Variants in PI4KB observed in about 807,000 individuals in gnomAD.
PI4KB encodes phosphatidylinositol 4-kinase beta, also known as PtdIns 4-kinase beta.
A neutral mutation model predicts 81.4 loss-of-function variants in PI4KB; 23 were observed. That is an observed-to-expected ratio of 0.28 (90% CI 0.20 to 0.40). PI4KB has a LOEUF of 0.40. Among genes scored for constraint, PI4KB ranks in the 10% least tolerant of loss-of-function variants. PI4KB has a pLI of 1.00. For missense variants in PI4KB, 651 were observed against 1,036.6 expected, an observed-to-expected ratio of 0.63 and a Z score of 5.11; for synonymous variants, 381 against 406.8, an observed-to-expected ratio of 0.94 and a Z score of 0.76.
At chr1:151,327,624 A>G, upstream of PI4KB, 1 of 376,720 alleles carries the variant, frequency 2.7e-6, no homozygotes, top group Non-Finnish European at 4.7e-6. Context: ...CTGCTTCCCC[A>G]GCGGTCAGGA....
intron 1 of PI4KB, among the ~76,000 whole-genome samples, chr1:151,325,254 A>G (rs562905831): frequency 2.6e-5 from 4 of 151,988 alleles, no homozygotes; most frequent in Non-Finnish European, 4.4e-5. Flanking sequence ...CGGCCTCCCA[A>G]AATGCTGGGA....
At chr1:151,321,917 G>A (rs1457662487) in intron 1 of PI4KB, among the ~76,000 whole-genome samples, 3 of 138,392 alleles carry the variant, frequency 2.2e-5, no homozygotes, top group African/African-American at 8.0e-5. Context: ...CTGTTCTAAA[G>A]AAAATGAAAG....
At chr1:151,321,602 G>C (rs1471123792) in intron 1 of PI4KB, among the ~76,000 whole-genome samples, 1 of 151,910 alleles carries the variant, frequency 6.6e-6, no homozygotes, top group Admixed American at 6.6e-5. Flanking sequence ...GGCAGGGCAT[G>C]GTGGCTCACG....
chr1:151,310,290 G>C (rs1392334475), intron 2 of PI4KB, 35 bp from the exon 3 acceptor site: 4 of 1,295,476 alleles, frequency 3.1e-6, no homozygotes, highest in East Asian at 2.4e-5. Flanking sequence ...GGAGAAGGAG[G>C]GGGTGGGAAG....
chr1:151,313,082 G>GGAAA (rs1647361430), intron 2 of PI4KB, among the ~76,000 whole-genome samples: 1 of 151,714 alleles, frequency 6.6e-6, no homozygotes, highest in Non-Finnish European at 1.5e-5. Context: ...AAGGAAGGAA[G>GGAAA]GACGGATGGA....
intron 2 of PI4KB, among the ~76,000 whole-genome samples, chr1:151,311,273 C>T (rs940545143): frequency 6.7e-6 from 1 of 149,644 alleles, no homozygotes; most frequent in Non-Finnish European, 1.5e-5. Context: ...ACGTTGAGGT[C>T]GGGGTGGGGG....
Position 151,294,560 on chromosome 1 carries a change from G to A in PI4KB, c.2016-19C>T, listed in dbSNP as rs1284086043. Reference sequence around the variant, plus strand: ...ATTGTGTCTGAGGAGGGGGAATAGAGGAGAGGAAGAGGCAGTAGTCAGTCT... The same window carrying A: ...ATTGTGTCTGAGGAGGGGGAATAGAAGAGAGGAAGAGGCAGTAGTCAGTCT... On this transcript the variant is annotated intron_variant, in intron 9 of 11. Transcript: ENST00000368873. The A allele has an allele frequency of 5.0e-6, 8 of 1,613,420 alleles. No homozygotes were observed. The highest frequency in any genetic ancestry group is 1.7e-5 in the Admixed American group (1 of 59,980).
intron 9 of PI4KB, among the ~76,000 whole-genome samples, chr1:151,296,467 T>G (rs921111741): frequency 1.3e-5 from 2 of 150,866 alleles, no homozygotes; most frequent in African/African-American, 4.9e-5. Flanking sequence ...TAATAGATGC[T>G]AGATTTCTTT....
intron 1 of PI4KB, among the ~76,000 whole-genome samples, chr1:151,318,156 C>T (rs1420816465): frequency 2.0e-5 from 3 of 152,122 alleles, no homozygotes; most frequent in Non-Finnish European, 4.4e-5. Flanking sequence ...CAGTGGCTCA[C>T]GCCTGTAATC....
intron 1 of PI4KB, among the ~76,000 whole-genome samples, chr1:151,322,534 T>G (rs1648998495): frequency 6.6e-6 from 1 of 152,028 alleles, no homozygotes; most frequent in African/African-American, 2.4e-5. Flanking sequence ...TAATCACCAT[T>G]CTCTTTTTCA....
chr1:151,291,938 T>C lies in PI4KB; in HGVS notation c.*914A>G, dbSNP rs977129801. 3 of 152,236 alleles carry C rather than the reference T, an allele frequency of 2.0e-5. No homozygotes were observed. The highest frequency in any genetic ancestry group is 2.9e-5 in the Non-Finnish European group (2 of 68,046). The allele number at this position is 152,236 out of a possible 1,614,324, so 9.4% of individuals were successfully genotyped here. ...CTCTCTTTTTCTGTGACTTGGACAA[T>C]GTGGAGTTGAAGCGGGTGAGAGAAC... On this transcript the variant is annotated 3_prime_UTR_variant, in exon 12 of 12. Coordinates refer to ENST00000368873, the MANE Select transcript of PI4KB (RefSeq NM_001369623.2).
chr1:151,295,351 CA>C (rs770543885), intron 9 of PI4KB, among the ~76,000 whole-genome samples: 25 of 152,180 alleles, frequency 1.6e-4, no homozygotes, highest in Non-Finnish European at 3.5e-4. Flanking sequence ...AGAGGAGGGA[CA>C]AAAGGAGAAC....
intron 2 of PI4KB, among the ~76,000 whole-genome samples, chr1:151,310,861 C>A (rs1696160747): frequency 6.6e-6 from 1 of 152,128 alleles, no homozygotes; most frequent in South Asian, 2.1e-4. Flanking sequence ...GCATCCTAGA[C>A]CAATAAGCCC....
rs1205683175 is a variant in PI4KB at position 151,292,194 on chromosome 1, T to C, written c.*658A>G. The C allele has an allele frequency of 1.3e-5, 2 of 152,318 alleles. No individual in the cohort carries two copies. The highest frequency in any genetic ancestry group is 2.9e-5 in the Non-Finnish European group (2 of 68,046). 9.4% of individuals were successfully genotyped at this position (152,318 alleles called of 1,614,324 possible). On this transcript the variant is annotated 3_prime_UTR_variant, in exon 12 of 12. Transcript: ENST00000368873. ...ATAAAAAATTGAGAGCTCTTTTCCC[T>C]GGGTTTGGGGAAGGAGTCAGGGTAG...
In PI4KB at chr1:151,292,951, C is replaced by G. The variant is rs1557780871; in HGVS notation, c.2352G>C (p.Gln784His). Residue 784 changes from glutamine (Q) to histidine (H), a missense_variant, in exon 12 of 12, where the codon CAG becomes CAC. Gln to His is a conservative substitution (Grantham distance 24). This residue lies in a region of PI4KB where 70 missense variants were observed against 108.1 expected (regional missense o/e 0.65). Transcript: ENST00000368873. ...ERFHMSMTEE[Q>H]LQLLVEQMVD... ...CCATCTGCTCCACCAGCAGCTGCAG[C>G]TGCTCCTCAGTCATGCTCATGTGGA... The G allele has an allele frequency of 1.2e-6, 2 of 1,614,228 alleles. No individual in the cohort carries two copies. Among genetic ancestry groups the G allele is most frequent in the Admixed American group, 3.3e-5 (2 of 60,028 alleles).
chr1:151,314,719 A>G (rs1362188097), intron 2 of PI4KB, among the ~76,000 whole-genome samples: 3 of 152,172 alleles, frequency 2.0e-5, no homozygotes, highest in Admixed American at 6.5e-5. Flanking sequence ...TAAACCTTAC[A>G]CTTATGTCAA....
chr1:151,323,461 C>T (rs900345514), intron 1 of PI4KB, among the ~76,000 whole-genome samples: 4 of 129,776 alleles, frequency 3.1e-5, no homozygotes, highest in Non-Finnish European at 4.9e-5. Context: ...GAGCTGAGAT[C>T]GCTGTAATCC....
At chr1:151,323,596 G>A (rs1011542013) in intron 1 of PI4KB, among the ~76,000 whole-genome samples, 1 of 151,926 alleles carries the variant, frequency 6.6e-6, no homozygotes, top group Non-Finnish European at 1.5e-5. Flanking sequence ...GTGGTGGCGG[G>A]CACCTGTAAT....
intron 8 of PI4KB, among the ~76,000 whole-genome samples, chr1:151,299,701 G>GA (rs587626600): frequency 1.2e-3 from 175 of 151,908 alleles, no homozygotes; most frequent in African/African-American, 4.1e-3. Flanking sequence ...CGAAAAAAAA[G>GA]AAAAAAGGAA....
Sources: gnomAD v4.1 joint callset for allele counts (sites outside exome capture counted in the v4.1 genomes callset) on GRCh38, gnomAD v4.1.1 for gene constraint, gnomAD v4.1.1 regional missense constraint, MANE v1.5 for transcripts, NCBI Gene and HGNC (gene_info 2026-07-23, HGNC 2026-07-21) for gene names.